The following PHKG2 variants were observed in gnomAD, a reference collection of about 807,000 sequenced individuals.
The protein encoded by PHKG2 is phosphorylase kinase catalytic subunit gamma 2.
Under a neutral mutation model 44.5 loss-of-function variants are expected in PHKG2, and 28 were observed. The observed-to-expected ratio is 0.63, with a 90% CI of 0.47 to 0.86. The LOEUF (loss-of-function observed/expected upper bound fraction) is 0.86. Among genes scored for constraint, PHKG2 ranks in the 40% least tolerant of loss-of-function variants. The probability of loss-of-function intolerance (pLI) is 0.00; values close to 1 mark genes in which losing one functional copy is unlikely to be tolerated. For synonymous variants in PHKG2, 220 were observed against 211.2 expected (o/e 1.04, Z -0.36); for missense variants, 498 against 547.5 (o/e 0.91, Z 0.90).
In PHKG2 at chr16:30,758,941, G is replaced by C. The variant is rs2053553018; in HGVS notation, c.*1844G>C. 2 of 1,590,246 alleles carry C rather than the reference G, an allele frequency of 1.3e-6. No homozygotes were observed. Among genetic ancestry groups the C allele is most frequent in the Admixed American group, 3.5e-5 (2 of 56,382 alleles). ...CTAAAAACAAAAAGTCTGAAGTCCTGATGTCATCCAAACCCTTCATTCTAC... is the reference window on the plus strand; with the variant it reads ...CTAAAAACAAAAAGTCTGAAGTCCTCATGTCATCCAAACCCTTCATTCTAC... On this transcript the variant is annotated 3_prime_UTR_variant, in exon 10 of 10. Transcript: ENST00000563588.
rs745600848 is a variant in PHKG2, at chr16:30,760,500, A to G, written c.*3403A>G. 10 of 1,610,716 alleles carry G rather than the reference A, an allele frequency of 6.2e-6. No homozygotes were observed. The South Asian group carries it at 1.1e-4, about 18-fold the overall frequency. On this transcript the variant is annotated 3_prime_UTR_variant, in exon 10 of 10. Transcript: ENST00000563588. ...AGTGACAACTGGGCCTCCTTTCATC[A>G]CCCTACACCCACCACATGCTTTGGA...
rs112201430 is a variant in PHKG2 at position 30,748,458 on chromosome 16, C to G, written c.-51C>G. The G allele has an allele frequency of 3.2e-5, 10 of 311,244 alleles. No homozygotes were observed. Among genetic ancestry groups the G allele is most frequent in the African/African-American group, 1.8e-4 (8 of 44,664 alleles). The allele number at this position is 311,244 out of a possible 1,614,324, so 19.3% of individuals were successfully genotyped here. Reference sequence around the variant, plus strand: ...GCAAACCCGGCGACAGCGCAGCTCGCGTCGACCCTGGCTCCTCTGCCTGCC... The same window carrying G: ...GCAAACCCGGCGACAGCGCAGCTCGGGTCGACCCTGGCTCCTCTGCCTGCC... On this transcript the variant is annotated 5_prime_UTR_variant, in exon 1 of 10. Transcript: ENST00000563588.
Position 30,751,963 on chromosome 16 carries a change from G to A in PHKG2, c.326+360G>A, listed in dbSNP as rs1473590673. ...AAAAAATCAGCCGGGCGTGGTGGTG[G>A]GCGCCTGTAGTCCCAGCTACTCGGG... On this transcript the variant is annotated intron_variant, in intron 4 of 9. Transcript: ENST00000563588. 31 of 325,470 alleles carry A rather than the reference G, an allele frequency of 9.5e-5. No individual in the cohort carries two copies. In the East Asian group the frequency reaches 2.5e-3, roughly 26 times the overall value. The allele number at this position is 325,470 out of a possible 1,614,324, so 20.2% of individuals were successfully genotyped here.
At position 30,760,120 on chromosome 16, in the gene PHKG2, T is replaced by C; in HGVS notation, c.*3023T>C. 1 of 1,547,656 alleles carries C rather than the reference T, an allele frequency of 6.5e-7. No individual in the cohort carries two copies. Among genetic ancestry groups the C allele is most frequent in the South Asian group, 1.2e-5 (1 of 85,872 alleles). Reference sequence around the variant, plus strand: ...GTGTGCTGTATCCTTAATTTCTAGATAAGGAAGCAGTGGATTGGAAAGCTG... The same window carrying C: ...GTGTGCTGTATCCTTAATTTCTAGACAAGGAAGCAGTGGATTGGAAAGCTG... On this transcript the variant is annotated 3_prime_UTR_variant, in exon 10 of 10. Transcript: ENST00000563588.
rs759713220 is a variant in PHKG2 at position 30,761,160 on chromosome 16, G to A, written c.*4063G>A. 1.2e-6 allele frequency: 2 copies of A among 1,607,498 alleles called. No homozygotes were observed. The highest frequency in any genetic ancestry group is 2.2e-5 in the East Asian group (1 of 44,790). On this transcript the variant is annotated 3_prime_UTR_variant, in exon 10 of 10. Transcript: ENST00000563588. The stretch of plus-strand genomic sequence containing the variant: ...GACTGTTGGGGAGACAATAAAGAAC[G>A]CAAATATTCAGTGTAATTTTTGTCT...
chr16:30,753,796 A>G (rs2053382492), intron 6 of PHKG2, among the ~76,000 whole-genome samples: 1 of 152,224 alleles, frequency 6.6e-6, no homozygotes. Flanking sequence ...GCAGAGGGCC[A>G]GGCCAGGGGA....
chr16:30,751,744 G>A (rs1311862658), intron 4 of PHKG2, 141 bp downstream of exon 4: 1 of 810,238 alleles, frequency 1.2e-6, no homozygotes, highest in African/African-American at 1.7e-5. Context: ...GGGCCTGCCT[G>A]CTAGCGCATG....
In PHKG2 at chr16:30,760,813, ACT is replaced by A; in HGVS notation, c.*3721_*3722del. On this transcript the variant is annotated 3_prime_UTR_variant, in exon 10 of 10. Transcript: ENST00000563588. ...TGCTGTGTGACTATGCAAATCGTTA[ACT>A]CTCTGGGCCTAAATGAACTCTTATG... 2 of 724,384 alleles carry A rather than the reference ACT, an allele frequency of 2.8e-6. No homozygotes were observed. The highest frequency in any genetic ancestry group is 4.8e-6 in the Non-Finnish European group (2 of 414,338). 44.9% of individuals were successfully genotyped at this position (724,384 alleles called of 1,614,324 possible). A position where few individuals can be genotyped will look rare whatever the true frequency, so the allele number is the denominator to read the frequency against.
chr16:30,760,435 C>T lies in PHKG2; in HGVS notation c.*3338C>T. On this transcript the variant is annotated 3_prime_UTR_variant, in exon 10 of 10. Transcript: ENST00000563588. Reference sequence around the variant, plus strand: ...GGCTCTGCTCAGGACACCCTAGCTCCAGCAGCTCAGCCAGCACCCTTGGGA... The same window carrying T: ...GGCTCTGCTCAGGACACCCTAGCTCTAGCAGCTCAGCCAGCACCCTTGGGA... 1 of 1,614,124 alleles carries T rather than the reference C, an allele frequency of 6.2e-7. No homozygotes were observed. Among genetic ancestry groups the T allele is most frequent in the Middle Eastern group, 1.7e-4 (1 of 6,058 alleles).
chr16:30,749,088 GTGCTGC>G (rs1208492440), intron 2 of PHKG2, among the ~76,000 whole-genome samples, 173 bp downstream of exon 2: 1 of 13,684 alleles, frequency 7.3e-5, no homozygotes, highest in African/African-American at 3.2e-4. Flanking sequence ...GGTGGTGGTG[GTGCTGC>G]TGCTGCTGCT....
Position 30,757,142 on chromosome 16 carries a change from A to T in PHKG2, c.*45A>T. ...CCCAGGAAGCAGAACTCTCCAGAAGAAGGGTTTTGATCATTCCAGCTCCTC... is the reference window on the plus strand; with the variant it reads ...CCCAGGAAGCAGAACTCTCCAGAAGTAGGGTTTTGATCATTCCAGCTCCTC... On this transcript the variant is annotated 3_prime_UTR_variant, in exon 10 of 10. Transcript: ENST00000563588. The T allele has an allele frequency of 2.5e-6, 4 of 1,602,730 alleles. No individual in the cohort carries two copies. In the Middle Eastern group the frequency reaches 6.7e-4, roughly 267 times the overall value.
intron 6 of PHKG2, among the ~76,000 whole-genome samples, chr16:30,754,151 G>A (rs1037190729): frequency 1.3e-5 from 2 of 151,448 alleles, no homozygotes; most frequent in African/African-American, 4.9e-5. Flanking sequence ...GCAGGCACCA[G>A]TCTTTTTTTT....
Position 30,760,743 on chromosome 16 carries a change from A to G in PHKG2, c.*3646A>G, listed in dbSNP as rs2053711572. On this transcript the variant is annotated 3_prime_UTR_variant, in exon 10 of 10. Coordinates refer to ENST00000563588, the MANE Select transcript of PHKG2 (RefSeq NM_000294.3). The stretch of plus-strand genomic sequence containing the variant: ...AAGGCTGTGACAGCTAGTGCGTGAG[A>G]CTGGGAGTTGGCCACCGGCGTGAAG... 1 of 1,388,904 alleles carries G rather than the reference A, an allele frequency of 7.2e-7. No homozygotes were observed. Among genetic ancestry groups the G allele is most frequent in the Non-Finnish European group, 1.0e-6 (1 of 1,001,208 alleles). The allele number at this position is 1,388,904 out of a possible 1,614,324, so 86.0% of individuals were successfully genotyped here. A position where few individuals can be genotyped will look rare whatever the true frequency, so the allele number is the denominator to read the frequency against.
Position 30,759,775 on chromosome 16 carries a change from A to G in PHKG2, c.*2678A>G. 6.4e-7 allele frequency: 1 copy of G among 1,558,078 alleles called. No individual in the cohort carries two copies. The highest frequency in any genetic ancestry group is 8.7e-7 in the Non-Finnish European group (1 of 1,154,234). On this transcript the variant is annotated 3_prime_UTR_variant, in exon 10 of 10. Transcript: ENST00000563588. Reference sequence around the variant, plus strand: ...GTGAGGCCCTCTCTGGTATCCATTCATTCACTTCACTCAACAGCTGTTTAT... The same window carrying G: ...GTGAGGCCCTCTCTGGTATCCATTCGTTCACTTCACTCAACAGCTGTTTAT...
Position 30,759,605 on chromosome 16 carries a change from C to A in PHKG2, c.*2508C>A, listed in dbSNP as rs373882523. The A allele has an allele frequency of 7.4e-6, 12 of 1,614,082 alleles. No individual in the cohort carries two copies. The African/African-American group carries it at 1.3e-4, about 18-fold the overall frequency. ...TGAATGTGAGAGAGACTGGGTGAGACCTTGTCTGGGGATGGGTAAAGTTTC... is the reference window on the plus strand; with the variant it reads ...TGAATGTGAGAGAGACTGGGTGAGAACTTGTCTGGGGATGGGTAAAGTTTC... On this transcript the variant is annotated 3_prime_UTR_variant, in exon 10 of 10. Transcript: ENST00000563588.
In PHKG2 at chr16:30,756,725, A is replaced by T. The variant is rs1314681148; in HGVS notation, c.927+10A>T. 6 of 1,614,064 alleles carry T rather than the reference A, an allele frequency of 3.7e-6. No homozygotes were observed. Among genetic ancestry groups the T allele is most frequent in the Non-Finnish European group, 4.2e-6 (5 of 1,180,024 alleles). ...CCGCCAGCGGTTCCGGGTAAGCCTG[A>T]GTGTATCAGGGTCTGGGCCCGTTTC... On this transcript the variant is annotated intron_variant, in intron 9 of 9. Coordinates refer to ENST00000563588, the MANE Select transcript of PHKG2 (RefSeq NM_000294.3).
Position 30,751,298 on chromosome 16 carries a change from TG to T in PHKG2, c.271+18del, listed in dbSNP as rs1216563051. ...CCCACATCAGTGAGGCTGTCTTCCT[TG>T]CTCCTGTTAGCAGACGACCCCCCAC... On this transcript the variant is annotated intron_variant, in intron 3 of 9. Coordinates refer to ENST00000563588, the MANE Select transcript of PHKG2 (RefSeq NM_000294.3). 1.9e-6 allele frequency: 3 copies of T among 1,607,432 alleles called. No homozygotes were observed. The African/African-American group carries it at 4.0e-5, about 21-fold the overall frequency.
Position 30,757,281 on chromosome 16 carries a change from G to T in PHKG2, c.*184G>T. 6.5e-6 allele frequency: 10 copies of T among 1,548,582 alleles called. No homozygotes were observed. Among genetic ancestry groups the T allele is most frequent in the Non-Finnish European group, 7.8e-6 (9 of 1,155,852 alleles). Reference sequence around the variant, plus strand: ...CTCTGAGATCAGAGCTGGGGTGGAAGGGAGCCATTCTGAACGCCACGCCTG... The same window carrying T: ...CTCTGAGATCAGAGCTGGGGTGGAATGGAGCCATTCTGAACGCCACGCCTG... On this transcript the variant is annotated 3_prime_UTR_variant, in exon 10 of 10. Transcript: ENST00000563588.
rs1011136384 is a variant in PHKG2, at chr16:30,757,216, T to C, written c.*119T>C. The C allele has an allele frequency of 6.3e-6, 10 of 1,585,388 alleles. No homozygotes were observed. Among genetic ancestry groups the C allele is most frequent in the South Asian group, 2.2e-5 (2 of 89,026 alleles). On this transcript the variant is annotated 3_prime_UTR_variant, in exon 10 of 10. Coordinates refer to ENST00000563588, the MANE Select transcript of PHKG2 (RefSeq NM_000294.3). ...GCCCACTAATGATCCTGCTACCCTC[T>C]TGAAGACCAGCCCGGTACCTCTCTC... is the stretch of plus-strand genomic sequence containing the variant.
Sources: allele counts gnomAD v4.1 joint callset (sites outside exome capture counted in the v4.1 genomes callset), GRCh38; gene constraint gnomAD v4.1.1; transcripts MANE v1.5; gene names NCBI Gene and HGNC (gene_info 2026-07-23, HGNC 2026-07-21).